The following CAMTA1 variants were observed in gnomAD, a reference collection of about 807,000 sequenced individuals.
The protein encoded by CAMTA1 is calmodulin binding transcription activator 1.
Under a neutral mutation model 170.9 loss-of-function variants are expected in CAMTA1, and 27 were observed. That is an observed-to-expected ratio of 0.16 (90% CI 0.12 to 0.22). The LOEUF is 0.22. Ranked by LOEUF, CAMTA1 falls within the 10% of genes least tolerant of loss-of-function variation. CAMTA1 has a pLI of 1.00. For missense variants in CAMTA1, 1,619 were observed against 2,217.2 expected, an observed-to-expected ratio of 0.73 and a Z score of 5.42; for synonymous variants, 833 against 891.5, an observed-to-expected ratio of 0.93 and a Z score of 1.17.
intron 3 of CAMTA1, among the ~76,000 whole-genome samples, chr1:6,846,238 TTACTTA>T (rs1658084384): frequency 6.6e-6 from 1 of 152,256 alleles, no homozygotes. Flanking sequence ...TAGGATTTCT[TTACTTA>T]TACTTAAAAG....
At chr1:7,402,088 T>C (rs6577442) in intron 5 of CAMTA1, among the ~76,000 whole-genome samples, 116,472 of 151,816 alleles carry the variant, frequency 0.77, 45,696 homozygotes, top group African/African-American at 0.91. Context: ...GCAGCAAGGG[T>C]GTCAGCACTC....
intron 11 of CAMTA1, among the ~76,000 whole-genome samples, chr1:7,687,105 A>G (rs1458071894): frequency 6.6e-6 from 1 of 151,930 alleles, no homozygotes; most frequent in Non-Finnish European, 1.5e-5. Context: ...CTCCGCGTGC[A>G]GATGGCGTTT....
intron 3 of CAMTA1, among the ~76,000 whole-genome samples, chr1:6,910,390 G>GA (rs1397467124): frequency 6.6e-6 from 1 of 152,224 alleles, no homozygotes; most frequent in African/African-American, 2.4e-5. Flanking sequence ...CATAGGCACA[G>GA]AGTCACCTGG....
At chr1:6,873,861 C>T (rs1669079822) in intron 3 of CAMTA1, among the ~76,000 whole-genome samples, 1 of 152,122 alleles carries the variant, frequency 6.6e-6, no homozygotes. Context: ...TTGAGAAAAA[C>T]CTTCATTTGA....
chr1:7,278,631 C>T (rs1304375817), intron 5 of CAMTA1, among the ~76,000 whole-genome samples: 3 of 152,154 alleles, frequency 2.0e-5, no homozygotes, highest in Non-Finnish European at 4.4e-5. Context: ...AGCTCTTTCT[C>T]TAAGTCCAAT....
At chr1:7,709,941 C>T (rs957703540) in intron 11 of CAMTA1, among the ~76,000 whole-genome samples, 3 of 152,142 alleles carry the variant, frequency 2.0e-5, no homozygotes, top group African/African-American at 7.2e-5. Context: ...CTATTTCTTT[C>T]TGTGGACCAC....
At chr1:7,525,303 C>T in intron 6 of CAMTA1, among the ~76,000 whole-genome samples, 1 of 151,762 alleles carries the variant, frequency 6.6e-6, no homozygotes, top group Non-Finnish European at 1.5e-5. Flanking sequence ...ACACATACCA[C>T]TAGAGCCTCT....
intron 6 of CAMTA1, among the ~76,000 whole-genome samples, chr1:7,629,710 C>G (rs1180574566): frequency 1.3e-5 from 2 of 152,176 alleles, no homozygotes; most frequent in African/African-American, 2.4e-5. Context: ...GCTCCCTCAC[C>G]CCTGCACTCC....
intron 6 of CAMTA1, among the ~76,000 whole-genome samples, chr1:7,564,215 G>A (rs1196223279): frequency 6.6e-6 from 1 of 152,166 alleles, no homozygotes; most frequent in East Asian, 1.9e-4. Context: ...ATTGGGTAGG[G>A]CTGGCCTTTG....
chr1:7,095,217 G>A (rs929310558), intron 4 of CAMTA1, among the ~76,000 whole-genome samples: 3 of 152,100 alleles, frequency 2.0e-5, no homozygotes, highest in African/African-American at 7.2e-5. Flanking sequence ...ATTTTTAGTG[G>A]GGCTTGTTCA....
chr1:7,126,222 A>G (rs913036662), intron 4 of CAMTA1, among the ~76,000 whole-genome samples: 1 of 152,110 alleles, frequency 6.6e-6, no homozygotes, highest in South Asian at 2.1e-4. Flanking sequence ...TCAAGATGAG[A>G]TTTGGGTGGG....
chr1:7,319,728 G>A (rs1429855538), intron 5 of CAMTA1, among the ~76,000 whole-genome samples: 1 of 152,168 alleles, frequency 6.6e-6, no homozygotes, highest in African/African-American at 2.4e-5. Context: ...CGCATTCCAA[G>A]TCCTGAGAAG....
chr1:7,410,966 T>C (rs1165095977), intron 5 of CAMTA1, among the ~76,000 whole-genome samples: 2 of 151,104 alleles, frequency 1.3e-5, no homozygotes, highest in Non-Finnish European at 2.9e-5. Context: ...TGTCTGTGTG[T>C]GTATGTGTGT....
chr1:7,299,548 G>A lies in CAMTA1; in HGVS notation c.438+49922G>A, dbSNP rs929379141. ...CGGAGAGCTTCCAACCTCGCAATGA[G>A]CCAGCGGCTCCCCGGAGTCAGACGC... On this transcript the variant is annotated intron_variant, in intron 5 of 22. Transcript: ENST00000303635. The surrounding 1 kb of genome is among the most constrained non-coding windows in gnomAD (Gnocchi z 4.7). 6.6e-6 allele frequency among the ~76,000 whole-genome samples: 1 copy of A among 152,208 alleles called. No homozygotes were observed. Among genetic ancestry groups the A allele is most frequent in the African/African-American group, 2.4e-5 (1 of 41,452 alleles).
rs75038712 is a variant in CAMTA1, at chr1:6,970,890, G to T, written c.235-120414G>T. On this transcript the variant is annotated intron_variant, in intron 3 of 22. Transcript: ENST00000303635. The surrounding 1 kb of genome is among the most constrained non-coding windows in gnomAD (Gnocchi z 4.4). ...GTGTCTGCATGGACCGTTGCTGGCT[G>T]TGGTCCTCTGCAGGGACCACTGCTG... 6.6e-6 allele frequency among the ~76,000 whole-genome samples: 1 copy of T among 152,310 alleles called. No individual in the cohort carries two copies. Among genetic ancestry groups the T allele is most frequent in the East Asian group, 1.9e-4 (1 of 5,180 alleles).
At chr1:7,649,355 G>A (rs2095832574) in intron 7 of CAMTA1, among the ~76,000 whole-genome samples, 1 of 152,222 alleles carries the variant, frequency 6.6e-6, no homozygotes, top group South Asian at 2.1e-4. Context: ...GGGAGGCAGC[G>A]ATAGCGCTGG....
chr1:6,881,297 G>C (rs2149069145), intron 3 of CAMTA1, among the ~76,000 whole-genome samples: 1 of 152,314 alleles, frequency 6.6e-6, no homozygotes, highest in African/African-American at 2.4e-5. Flanking sequence ...TTGCATGTCT[G>C]TTTGTGCATG....
rs538336797 is a variant in CAMTA1, at chr1:7,753,718, C to T, written c.4958+1185C>T. Among the ~76,000 whole-genome samples the T allele has an allele frequency of 4.6e-5, 7 of 152,280 alleles. No homozygotes were observed. In the South Asian group the frequency reaches 6.2e-4, roughly 14 times the overall value. On this transcript the variant is annotated intron_variant, in intron 21 of 22. Coordinates refer to ENST00000303635, the MANE Select transcript of CAMTA1 (RefSeq NM_015215.4). ...ATTAACATCATAAAAACTTAAAAAA[C>T]GGCATTCACTAAGATAGATGGTTTT...
intron 5 of CAMTA1, among the ~76,000 whole-genome samples, chr1:7,453,951 A>G (rs774518694): frequency 6.6e-6 from 1 of 152,162 alleles, no homozygotes; most frequent in Non-Finnish European, 1.5e-5. Context: ...GTTAAGACCT[A>G]TGTGGTTGGT....
Sources: allele counts gnomAD v4.1 joint callset (sites outside exome capture counted in the v4.1 genomes callset), GRCh38; gene constraint gnomAD v4.1.1; non-coding constraint Gnocchi (gnomAD v3.1); transcripts MANE v1.5; gene names NCBI Gene and HGNC (gene_info 2026-07-23, HGNC 2026-07-21).